MYBPC1: variants seen among roughly 807,000 people sequenced by gnomAD.
MYBPC1 encodes the protein myosin binding protein C1, also known as myosin-binding protein C, slow-type.
In MYBPC1, 52 loss-of-function variants were observed where a neutral mutation model predicts 147.1. The ratio of observed to expected loss-of-function variants is 0.35; its 90% CI spans 0.28 to 0.45. MYBPC1 has a LOEUF of 0.45. Ranked by LOEUF, MYBPC1 falls within the 20% of genes least tolerant of loss-of-function variation. The probability of loss-of-function intolerance (pLI) is 1.00; values close to 1 mark genes in which losing one functional copy is unlikely to be tolerated. For synonymous variants in MYBPC1, 477 were observed against 475.9 expected (o/e 1.00, Z -0.03); for missense variants, 1,228 against 1,440.3 (o/e 0.85, Z 2.39).
chr12:101,647,122 T>C (rs1410176150), intron 13 of MYBPC1: 14 of 526,312 alleles, frequency 2.7e-5, no homozygotes, highest in Non-Finnish European at 2.7e-5. Context: ...ATAATTATTC[T>C]AGTTATAGCT....
chr12:101,644,906 A>G, intron 12 of MYBPC1, 110 bp downstream of exon 12: 1 of 1,094,164 alleles, frequency 9.1e-7, no homozygotes. Flanking sequence ...ATAATACAAA[A>G]TCATATGGAG....
rs1334958557 is a variant in MYBPC1, at chr12:101,636,972, T to G, written c.665+244T>G. On this transcript the variant is annotated intron_variant, in intron 10 of 31. Coordinates refer to ENST00000361466, the MANE Select transcript of MYBPC1 (RefSeq NM_002465.4). Reference sequence around the variant, plus strand: ...TGTTTCATGACTCTTCACCTATTTTTTTTTAAATGGGGACGAAGAGATATG... The same window carrying G: ...TGTTTCATGACTCTTCACCTATTTTGTTTTAAATGGGGACGAAGAGATATG... 1.6e-5 allele frequency: 4 copies of G among 250,572 alleles called. No individual in the cohort carries two copies. The African/African-American group carries it at 2.8e-4, about 17-fold the overall frequency. 15.5% of individuals were successfully genotyped at this position (250,572 alleles called of 1,614,324 possible). A position where few individuals can be genotyped will look rare whatever the true frequency, so the allele number is the denominator to read the frequency against.
In MYBPC1 at chr12:101,662,456, G is replaced by A; in HGVS notation, c.2131G>A (p.Glu711Lys). The change falls in exon 21 of 32, where the codon GAA becomes AAA. Residue 711 changes from glutamate to lysine, a missense_variant. Transcript: ENST00000361466. ...AACTTTTGAGCCCAAGAAGATGATTGAAGGTGTGGCCTATGAGGTCCGCAT... is the reference window on the plus strand; with the variant it reads ...AACTTTTGAGCCCAAGAAGATGATTAAAGGTGTGGCCTATGAGGTCCGCAT... ...ETTFEPKKMI[E>K]GVAYEVRIFA... The A allele has an allele frequency of 6.2e-7, 1 of 1,614,234 alleles. No individual in the cohort carries two copies. Among genetic ancestry groups the A allele is most frequent in the Non-Finnish European group, 8.5e-7 (1 of 1,180,040 alleles).
intron 19 of MYBPC1, 44 bp downstream of exon 19, chr12:101,659,875 G>A (rs1896229314): frequency 1.2e-6 from 2 of 1,607,930 alleles, no homozygotes; most frequent in Non-Finnish European, 1.7e-6. Flanking sequence ...AAGCTGACAT[G>A]TCAAGATTCA....
intron 5 of MYBPC1, 84 bp downstream of exon 5, chr12:101,627,888 T>G: frequency 1.4e-6 from 2 of 1,431,538 alleles, no homozygotes; most frequent in Non-Finnish European, 2.0e-6. Flanking sequence ...GTATTGATTC[T>G]AATCCTTGTC....
intron 9 of MYBPC1, among the ~76,000 whole-genome samples, chr12:101,636,165 A>C (rs1036863536): frequency 6.6e-6 from 1 of 152,170 alleles, no homozygotes; most frequent in African/African-American, 2.4e-5. Flanking sequence ...TTAGTATCAC[A>C]TTATCTGATT....
At chr12:101,667,936 T>C in intron 23 of MYBPC1, 37 bp downstream of exon 23, 1 of 1,602,992 alleles carries the variant, frequency 6.2e-7, no homozygotes, top group South Asian at 1.1e-5. Context: ...GACTCCATTT[T>C]ACATGGTTCA....
chr12:101,652,600 T>C, intron 16 of MYBPC1, 78 bp from the exon 17 acceptor site: 1 of 978,748 alleles, frequency 1.0e-6, no homozygotes. Context: ...CAGATAAAGG[T>C]CAAGTGTCTT....
At chr12:101,613,203 G>C (rs985942077) in intron 1 of MYBPC1, among the ~76,000 whole-genome samples, 1 of 152,148 alleles carries the variant, frequency 6.6e-6, no homozygotes, top group Non-Finnish European at 1.5e-5. Flanking sequence ...CTGTTTTCTT[G>C]ATTTCTGTTA....
chr12:101,629,063 C>A, intron 5 of MYBPC1: 1 of 335,338 alleles, frequency 3.0e-6, no homozygotes, highest in Non-Finnish European at 5.8e-6. Context: ...AGTCCATCAC[C>A]TAGAAAAACA....
intron 30 of MYBPC1, 40 bp downstream of exon 30, chr12:101,682,702 G>A (rs187988233): frequency 1.7e-4 from 266 of 1,543,694 alleles, no homozygotes; most frequent in African/African-American, 2.5e-4. Flanking sequence ...TCTACTTTCC[G>A]TTCCATTCCT....
chr12:101,617,115 C>T (rs1426654569), intron 2 of MYBPC1, 87 bp from the exon 3 acceptor site: 8 of 1,229,170 alleles, frequency 6.5e-6, no homozygotes, highest in Non-Finnish European at 8.3e-6. Flanking sequence ...TCATTTATTT[C>T]TTCCCTCCCC....
intron 23 of MYBPC1, among the ~76,000 whole-genome samples, chr12:101,669,065 T>C (rs555590844): frequency 2.3e-3 from 350 of 152,208 alleles, no homozygotes; most frequent in African/African-American, 8.0e-3. Flanking sequence ...TCAGCCTGGG[T>C]GACAGAGCAA....
chr12:101,650,204 T>C (rs1390583608), intron 15 of MYBPC1, among the ~76,000 whole-genome samples: 1 of 148,842 alleles, frequency 6.7e-6, no homozygotes, highest in Non-Finnish European at 1.5e-5. Flanking sequence ...TGATGTAACA[T>C]GTGCATTTCT....
intron 11 of MYBPC1, among the ~76,000 whole-genome samples, chr12:101,643,715 T>G (rs898121306): frequency 6.6e-6 from 1 of 152,190 alleles, no homozygotes; most frequent in African/African-American, 2.4e-5. Context: ...GTTAACTATC[T>G]TTATTTAGGA....
At chr12:101,651,170 C>T in intron 15 of MYBPC1, 61 bp from the exon 16 acceptor site, 1 of 1,583,664 alleles carries the variant, frequency 6.3e-7, no homozygotes. Context: ...TGTGAAATGC[C>T]ACCATCTTGG....
At chr12:101,616,156 C>T (rs757811783) in intron 2 of MYBPC1, among the ~76,000 whole-genome samples, 2 of 152,200 alleles carry the variant, frequency 1.3e-5, no homozygotes, top group Non-Finnish European at 2.9e-5. Context: ...GGCTCAGTGC[C>T]ATATGAGTTC....
chr12:101,663,078 G>A (rs1031838758), intron 21 of MYBPC1, among the ~76,000 whole-genome samples: 4 of 151,486 alleles, frequency 2.6e-5, no homozygotes, highest in Admixed American at 2.0e-4. Context: ...TTTTTTCAAT[G>A]GAAAAAAATG....
chr12:101,628,562 A>G (rs1041642752), intron 5 of MYBPC1, among the ~76,000 whole-genome samples: 7 of 152,170 alleles, frequency 4.6e-5, no homozygotes, highest in African/African-American at 1.7e-4. Context: ...AGAAACATCA[A>G]CAAGCAGAGA....
Sources: gnomAD v4.1 joint callset for allele counts (sites outside exome capture counted in the v4.1 genomes callset) on GRCh38, gnomAD v4.1.1 for gene constraint, MANE v1.5 for transcripts, NCBI Gene and HGNC (gene_info 2026-07-23, HGNC 2026-07-21) for gene names.